The following SPAG16 variants were observed in gnomAD, a reference collection of about 807,000 sequenced individuals.
SPAG16 encodes sperm-associated antigen 16 protein.
SPAG16 carries 86 observed loss-of-function variants against 80.4 expected under a neutral mutation model. That is an observed-to-expected ratio of 1.07 (90% CI 0.90 to 1.28). SPAG16 has a LOEUF of 1.28. Ranked by LOEUF, SPAG16 falls within the 50% of genes most tolerant of loss-of-function variation. SPAG16 has a pLI of 0.00. For synonymous variants in SPAG16, 294 were observed against 265.9 expected (o/e 1.11, Z -1.03); for missense variants, 870 against 765.3 (o/e 1.14, Z -1.61).
intron 15 of SPAG16, among the ~76,000 whole-genome samples, chr2:214,328,544 A>G (rs1696663259): frequency 1.3e-5 from 2 of 152,178 alleles, no homozygotes; most frequent in South Asian, 4.1e-4. Context: ...AGCTCCCGCA[A>G]TTTCCTTGCA....
chr2:214,153,365 A>T (rs941866404), intron 15 of SPAG16, among the ~76,000 whole-genome samples: 12 of 152,166 alleles, frequency 7.9e-5, no homozygotes, highest in African/African-American at 2.9e-4. Flanking sequence ...GATTATTATA[A>T]TATTGGAATA....
chr2:213,968,778 A>AAT (rs2106373453), intron 12 of SPAG16, among the ~76,000 whole-genome samples: 1 of 152,362 alleles, frequency 6.6e-6, no homozygotes, highest in South Asian at 2.1e-4. Flanking sequence ...TGTGAATCAT[A>AAT]ATATATATCA....
At chr2:214,272,298 A>AT (rs527948136) in intron 15 of SPAG16, among the ~76,000 whole-genome samples, 78 of 150,294 alleles carry the variant, frequency 5.2e-4, no homozygotes, top group Non-Finnish European at 8.3e-4. Flanking sequence ...TATGGTGGAA[A>AT]TTTTTTTTTT....
At chr2:213,370,251 A>G (rs1027015572) in intron 8 of SPAG16, among the ~76,000 whole-genome samples, 2 of 152,218 alleles carry the variant, frequency 1.3e-5, no homozygotes, top group African/African-American at 2.4e-5. Context: ...AAACTCATGC[A>G]TAAGAAATAC....
At chr2:214,107,444 T>C (rs1190554066) in intron 13 of SPAG16, among the ~76,000 whole-genome samples, 1 of 152,132 alleles carries the variant, frequency 6.6e-6, no homozygotes, top group Non-Finnish European at 1.5e-5. Context: ...AGAATTTGGG[T>C]TATTTCCCTA....
chr2:214,087,300 A>T (rs2051835392), intron 13 of SPAG16, among the ~76,000 whole-genome samples: 1 of 152,178 alleles, frequency 6.6e-6, no homozygotes, highest in Non-Finnish European at 1.5e-5. Context: ...AAATAAAAGT[A>T]AGGTGTTATT....
intron 11 of SPAG16, among the ~76,000 whole-genome samples, chr2:213,866,711 T>C (rs2075700752): frequency 6.6e-6 from 1 of 152,148 alleles, no homozygotes; most frequent in Admixed American, 6.5e-5. Flanking sequence ...ACCAACCAGG[T>C]AAAAATGTAG....
At chr2:213,850,215 T>C (rs1449861394) in intron 10 of SPAG16, among the ~76,000 whole-genome samples, 4 of 152,188 alleles carry the variant, frequency 2.6e-5, no homozygotes, top group Non-Finnish European at 5.9e-5. Context: ...GTTGAATAAC[T>C]TTGAAGAAAA....
intron 10 of SPAG16, among the ~76,000 whole-genome samples, chr2:213,641,618 C>T (rs1482948926): frequency 6.6e-6 from 1 of 152,186 alleles, no homozygotes; most frequent in African/African-American, 2.4e-5. Context: ...GGCATGCCTA[C>T]AAGGCTCTTC....
intron 10 of SPAG16, among the ~76,000 whole-genome samples, chr2:213,598,834 CAT>C (rs1305442185): frequency 2.0e-5 from 3 of 152,200 alleles, no homozygotes; most frequent in Non-Finnish European, 4.4e-5. Flanking sequence ...AGAGATGAAA[CAT>C]AACTAATTTT....
At chr2:213,341,455 C>T (rs2064682720) in intron 6 of SPAG16, among the ~76,000 whole-genome samples, 1 of 152,056 alleles carries the variant, frequency 6.6e-6, no homozygotes, top group Admixed American at 6.6e-5. Context: ...CATTGTAAAC[C>T]ATTAAATGTT....
chr2:213,969,474 C>T (rs2044896104), intron 12 of SPAG16, among the ~76,000 whole-genome samples: 1 of 152,134 alleles, frequency 6.6e-6, no homozygotes, highest in African/African-American at 2.4e-5. Flanking sequence ...GTGATTAAGT[C>T]ATGGAGGCTC....
At chr2:213,966,231 G>A (rs955465229) in intron 12 of SPAG16, among the ~76,000 whole-genome samples, 2 of 152,142 alleles carry the variant, frequency 1.3e-5, no homozygotes, top group Non-Finnish European at 2.9e-5. Context: ...TGAGGGGTCT[G>A]AGAACAATTG....
chr2:213,801,692 C>T (rs1463413923), intron 10 of SPAG16, among the ~76,000 whole-genome samples: 1 of 152,136 alleles, frequency 6.6e-6, no homozygotes, highest in Non-Finnish European at 1.5e-5. Flanking sequence ...GGAACAGAGA[C>T]TCTGAGATGG....
At chr2:214,058,485 G>A (rs1196547592) in intron 13 of SPAG16, among the ~76,000 whole-genome samples, 1 of 151,970 alleles carries the variant, frequency 6.6e-6, no homozygotes, top group Non-Finnish European at 1.5e-5. Flanking sequence ...TAACATCAAA[G>A]GTCACTAATC....
chr2:213,980,217 A>ATG (rs201249833), intron 12 of SPAG16, among the ~76,000 whole-genome samples: 6,131 of 125,228 alleles, frequency 0.049, 409 homozygotes, highest in African/African-American at 0.1. Flanking sequence ...TATAGAATAT[A>ATG]TGTGTGTATA....
intron 9 of SPAG16, among the ~76,000 whole-genome samples, chr2:213,421,324 G>T (rs1274315439): frequency 6.6e-6 from 1 of 152,160 alleles, no homozygotes; most frequent in African/African-American, 2.4e-5. Flanking sequence ...CGACTCACCA[G>T]TCCCCCGCCA....
intron 10 of SPAG16, among the ~76,000 whole-genome samples, chr2:213,657,451 T>C (rs2063261429): frequency 6.6e-6 from 1 of 152,194 alleles, no homozygotes; most frequent in Admixed American, 6.5e-5. Flanking sequence ...TATATGGTAC[T>C]TTTAAAAAAT....
intron 15 of SPAG16, chr2:214,240,292 G>A (rs1199752962): frequency 6.6e-6 from 1 of 152,148 alleles, no homozygotes; most frequent in African/African-American, 2.4e-5. Flanking sequence ...TCCAGGAAAA[G>A]AATTCCCAAG....
Sources: allele counts gnomAD v4.1 joint callset (sites outside exome capture counted in the v4.1 genomes callset), GRCh38; gene constraint gnomAD v4.1.1; transcripts MANE v1.5; gene names NCBI Gene and HGNC (gene_info 2026-07-23, HGNC 2026-07-21).